MBP: variants seen among roughly 807,000 people sequenced by gnomAD.
The protein encoded by MBP is Golli-MBP.
A neutral mutation model predicts 35.8 loss-of-function variants in MBP; 16 were observed. The ratio of observed to expected loss-of-function variants is 0.45; its 90% CI spans 0.30 to 0.68. MBP has a LOEUF of 0.68. Ranked by LOEUF, MBP falls within the 30% of genes least tolerant of loss-of-function variation. The probability of loss-of-function intolerance (pLI) is 0.08; values close to 1 mark genes in which losing one functional copy is unlikely to be tolerated. For missense variants in MBP, 380 were observed against 404.7 expected, an observed-to-expected ratio of 0.94 and a Z score of 0.52; for synonymous variants, 143 against 159.6, an observed-to-expected ratio of 0.90 and a Z score of 0.78.
At position 77,054,119 on chromosome 18, in the gene MBP, C is replaced by T. The variant is rs112171250; in HGVS notation, c.139+12179G>A. Among the ~76,000 whole-genome samples the T allele has an allele frequency of 4.5e-4, 68 of 152,348 alleles. 1 individual carries two copies. The highest frequency in any genetic ancestry group is 1.5e-3 in the African/African-American group (63 of 41,584). On this transcript the variant is annotated intron_variant, in intron 3 of 8. Coordinates refer to ENST00000355994, the MANE Select transcript of MBP (RefSeq NM_001025101.2). ...CCCGGTCCCTCCCCGCCCTGCCCTC[C>T]GATGGCAGAGACTCTATGTGGAAGC...
Position 77,055,365 on chromosome 18 carries a change from A to G in MBP, c.139+10933T>C, listed in dbSNP as rs112976304. Among the ~76,000 whole-genome samples the G allele has an allele frequency of 1.7e-3, 264 of 152,308 alleles. 2 individuals are homozygous for G. The highest frequency in any genetic ancestry group is 6.1e-3 in the African/African-American group (252 of 41,568). On this transcript the variant is annotated intron_variant, in intron 3 of 8. Transcript: ENST00000355994. ...AGGGGGCACATAACTGTAAACTTCT[A>G]GAACCCACATCCTCAAAGCCCAACC...
At chr18:77,009,416 T>C (rs1971196171) in intron 4 of MBP, among the ~76,000 whole-genome samples, 1 of 152,212 alleles carries the variant, frequency 6.6e-6, no homozygotes, top group African/African-American at 2.4e-5. Context: ...CCATGTTTAG[T>C]GAGTACTAAA....
intron 4 of MBP, chr18:77,012,682 C>T: frequency 6.7e-6 from 4 of 600,358 alleles, no homozygotes; most frequent in South Asian, 7.1e-5. Flanking sequence ...TACCTGCCAG[C>T]TGTGTCACCA....
intron 3 of MBP, among the ~76,000 whole-genome samples, chr18:77,030,832 T>G (rs1423708815): frequency 3.9e-5 from 6 of 152,206 alleles, no homozygotes; most frequent in Admixed American, 1.3e-4. Flanking sequence ...CCGGGGCCAC[T>G]GTGTGATCTA....
chr18:77,112,427 T>C (rs1366660161), intron 1 of MBP, among the ~76,000 whole-genome samples: 1 of 152,184 alleles, frequency 6.6e-6, no homozygotes, highest in East Asian at 1.9e-4. Flanking sequence ...TGACGCTGGG[T>C]GCGCCGGCTT....
rs1976000782 is a variant in MBP at position 77,101,394 on chromosome 18, C to T, written c.51+3817G>A. 6.6e-6 allele frequency among the ~76,000 whole-genome samples: 1 copy of T among 152,228 alleles called. No homozygotes were observed. The highest frequency in any genetic ancestry group is 1.9e-4 in the East Asian group (1 of 5,196). ...CTTAAAAAACACAGGGAGTCAAAGGCAGAACAGGAGTTTCTTCGTTTCTGA... is the reference window on the plus strand; with the variant it reads ...CTTAAAAAACACAGGGAGTCAAAGGTAGAACAGGAGTTTCTTCGTTTCTGA... On this transcript the variant is annotated intron_variant, in intron 2 of 8. Coordinates refer to ENST00000355994, the MANE Select transcript of MBP (RefSeq NM_001025101.2). The surrounding 1 kb of genome is among the most constrained non-coding windows in gnomAD (Gnocchi z 4.3).
intron 1 of MBP, among the ~76,000 whole-genome samples, chr18:77,128,160 A>G (rs1977117685): frequency 6.6e-6 from 1 of 152,232 alleles, no homozygotes; most frequent in Admixed American, 6.5e-5. Context: ...TGAACGGTTG[A>G]ACACACCTTG....
At chr18:77,119,912 G>T (rs906839354) in intron 1 of MBP, among the ~76,000 whole-genome samples, 3 of 152,192 alleles carry the variant, frequency 2.0e-5, no homozygotes, top group African/African-American at 7.2e-5. Flanking sequence ...AGGAGACAGA[G>T]AGGGCCCTGG....
chr18:77,052,332 G>C (rs1404728160), intron 3 of MBP, among the ~76,000 whole-genome samples: 1 of 152,188 alleles, frequency 6.6e-6, no homozygotes, highest in Non-Finnish European at 1.5e-5. Context: ...CCCGATCGGG[G>C]GGGTAAGACA....
intron 1 of MBP, among the ~76,000 whole-genome samples, chr18:77,123,238 A>C (rs1294365396): frequency 6.6e-6 from 1 of 152,248 alleles, no homozygotes; most frequent in Non-Finnish European, 1.5e-5. Context: ...CCATACAAGA[A>C]AGATGAAGAA....
chr18:77,009,821 G>A lies in MBP; in HGVS notation c.576+7011C>T, dbSNP rs572754999. 4.9e-5 allele frequency: 76 copies of A among 1,549,032 alleles called. No homozygotes were observed. In the East Asian group the frequency reaches 1.0e-3, roughly 21 times the overall value. ...GAAACGGCAGGTCACCCCTGGCCCC[G>A]ATGGGTGAGGACCCGCCGGCGTCTT... On this transcript the variant is annotated intron_variant, in intron 4 of 8. Coordinates refer to ENST00000355994, the MANE Select transcript of MBP (RefSeq NM_001025101.2).
intron 3 of MBP, among the ~76,000 whole-genome samples, chr18:77,039,052 T>C (rs1041809559): frequency 1.3e-5 from 2 of 152,236 alleles, no homozygotes; most frequent in African/African-American, 2.4e-5. Context: ...TTGTGACACA[T>C]GAAAGACATA....
Position 77,020,110 on chromosome 18 carries a change from G to A in MBP, c.140-2842C>T, listed in dbSNP as rs1170356498. Among the ~76,000 whole-genome samples, 1 of 152,146 alleles carries A rather than the reference G, an allele frequency of 6.6e-6. No individual in the cohort carries two copies. Among genetic ancestry groups the A allele is most frequent in the Admixed American group, 6.5e-5 (1 of 15,286 alleles). Reference sequence around the variant, plus strand: ...CTGGGGAGGGAAGATTCTAGTGGACGGCCTCTGTGGAGGGATATGATGGAG... The same window carrying A: ...CTGGGGAGGGAAGATTCTAGTGGACAGCCTCTGTGGAGGGATATGATGGAG... On this transcript the variant is annotated intron_variant, in intron 3 of 8. Coordinates refer to ENST00000355994, the MANE Select transcript of MBP (RefSeq NM_001025101.2). The surrounding 1 kb of genome is among the most constrained non-coding windows in gnomAD (Gnocchi z 4.1).
intron 3 of MBP, among the ~76,000 whole-genome samples, chr18:77,063,029 G>A (rs1974046046): frequency 6.6e-6 from 1 of 152,150 alleles, no homozygotes; most frequent in South Asian, 2.1e-4. Flanking sequence ...CGGGACATCA[G>A]GAATGGTTTC....
At chr18:77,067,783 C>G in intron 2 of MBP, 1 of 502,262 alleles carries the variant, frequency 2.0e-6, no homozygotes, top group Non-Finnish European at 4.0e-6. Flanking sequence ...AGCCTTTAAC[C>G]CAGGACCATA....
At chr18:77,092,240 G>T (rs973170929) in intron 2 of MBP, among the ~76,000 whole-genome samples, 17 of 152,240 alleles carry the variant, frequency 1.1e-4, no homozygotes, top group African/African-American at 3.9e-4. Context: ...CGCGGCCAGC[G>T]CTGAGCAGAC....
chr18:77,008,639 G>A (rs1051567954), intron 4 of MBP, among the ~76,000 whole-genome samples: 3 of 152,136 alleles, frequency 2.0e-5, no homozygotes, highest in Admixed American at 1.3e-4. Context: ...GTCTGGCCCC[G>A]GCTCCCCCAG....
At chr18:77,124,560 G>A (rs1358019433) in intron 1 of MBP, among the ~76,000 whole-genome samples, 3 of 152,166 alleles carry the variant, frequency 2.0e-5, no homozygotes, top group East Asian at 1.9e-4. Context: ...AGCTGGGGCC[G>A]CACTGGCCTG....
At chr18:76,997,710 TCTCA>T (rs1970355344) in intron 4 of MBP, among the ~76,000 whole-genome samples, 1 of 149,248 alleles carries the variant, frequency 6.7e-6, no homozygotes, top group Non-Finnish European at 1.5e-5. Context: ...TGAGACGGAG[TCTCA>T]CTTTGTCCCC....
Sources: allele counts gnomAD v4.1 joint callset (sites outside exome capture counted in the v4.1 genomes callset), GRCh38; gene constraint gnomAD v4.1.1; non-coding constraint Gnocchi (gnomAD v3.1); transcripts MANE v1.5; gene names NCBI Gene and HGNC (gene_info 2026-07-23, HGNC 2026-07-21).